The following PRIM2 variants were observed in gnomAD, a reference collection of about 807,000 sequenced individuals.
PRIM2 encodes the protein DNA primase subunit 2.
Under a neutral mutation model 67.3 loss-of-function variants are expected in PRIM2, and 39 were observed. The observed-to-expected ratio is 0.58, with a 90% CI of 0.45 to 0.76. The LOEUF (loss-of-function observed/expected upper bound fraction) is 0.76. PRIM2 is among the 30% of genes least tolerant of loss of function. The pLI is 0.00. For synonymous variants in PRIM2, 143 were observed against 198.7 expected (o/e 0.72, Z 2.36); for missense variants, 398 against 598.7 (o/e 0.66, Z 3.50).
At chr6:57,429,737 AG>A (rs1771757744) in intron 7 of PRIM2, among the ~76,000 whole-genome samples, 1 of 152,148 alleles carries the variant, frequency 6.6e-6, no homozygotes, top group Admixed American at 6.5e-5. Context: ...CAGAGACAGG[AG>A]GGCTGTGAGA....
chr6:57,530,530 G>A (rs1774864408), intron 8 of PRIM2, among the ~76,000 whole-genome samples: 1 of 152,120 alleles, frequency 6.6e-6, no homozygotes, highest in South Asian at 2.1e-4. Context: ...AGGGAGGGCG[G>A]AGAACTTTCC....
At chr6:57,623,308 C>T (rs1406244498) in intron 12 of PRIM2, among the ~76,000 whole-genome samples, 2 of 152,062 alleles carry the variant, frequency 1.3e-5, no homozygotes, top group Middle Eastern at 3.2e-3. Flanking sequence ...TTCTTATAGG[C>T]TGAAGATAAA....
At chr6:57,241,907 C>G in the PRIM2 span, among the ~76,000 whole-genome samples, 1 of 152,008 alleles carries the variant, frequency 6.6e-6, no homozygotes, top group Non-Finnish European at 1.5e-5. Flanking sequence ...CTCCTGACCT[C>G]GTGATCTGCC....
intron 7 of PRIM2, among the ~76,000 whole-genome samples, chr6:57,468,670 C>T (rs1261270746): frequency 2.0e-5 from 3 of 151,988 alleles, no homozygotes; most frequent in Non-Finnish European, 4.4e-5. Flanking sequence ...TTGGGGCCCC[C>T]GTTCTAAGTA....
intron 10 of PRIM2, among the ~76,000 whole-genome samples, chr6:57,582,347 G>T (rs1776103738): frequency 6.6e-6 from 1 of 152,116 alleles, no homozygotes; most frequent in African/African-American, 2.4e-5. Flanking sequence ...CTCTCCATTT[G>T]TATACTTCCT....
the PRIM2 span, among the ~76,000 whole-genome samples, chr6:57,250,516 G>C: frequency 7.9e-4 from 121 of 152,236 alleles, no homozygotes; most frequent in African/African-American, 2.8e-3. Context: ...AAATCGGGGG[G>C]TATGAAAAAC....
At chr6:57,364,730 T>G (rs1235821492) in intron 5 of PRIM2, among the ~76,000 whole-genome samples, 2 of 152,026 alleles carry the variant, frequency 1.3e-5, no homozygotes, top group Non-Finnish European at 2.9e-5. Flanking sequence ...ACCTTGCCCC[T>G]TGAGACTGAA....
chr6:57,543,182 G>A (rs1343165155), intron 10 of PRIM2, among the ~76,000 whole-genome samples: 7 of 151,052 alleles, frequency 4.6e-5, no homozygotes, highest in East Asian at 3.9e-4. Flanking sequence ...CTCGTGATCC[G>A]CCCGCCTCGG....
chr6:57,608,368 G>A (rs1306797095), intron 12 of PRIM2, among the ~76,000 whole-genome samples: 5 of 152,118 alleles, frequency 3.3e-5, no homozygotes, highest in African/African-American at 1.2e-4. Flanking sequence ...TCAGTAAAAT[G>A]GTGGAAACCA....
At chr6:57,590,385 TAGA>T (rs1358522134) in intron 10 of PRIM2, among the ~76,000 whole-genome samples, 1 of 152,122 alleles carries the variant, frequency 6.6e-6, no homozygotes, top group African/African-American at 2.4e-5. Flanking sequence ...AAAGCTGCAA[TAGA>T]AGAAGGGATT....
chr6:57,637,488 T>G (rs1162887157), intron 13 of PRIM2, among the ~76,000 whole-genome samples: 1 of 151,966 alleles, frequency 6.6e-6, no homozygotes, highest in Non-Finnish European at 1.5e-5. Flanking sequence ...TCTAACCCAA[T>G]GCAAGGAAGC....
chr6:57,341,276 G>C (rs1484005901), intron 5 of PRIM2, among the ~76,000 whole-genome samples: 1 of 152,162 alleles, frequency 6.6e-6, no homozygotes, highest in African/African-American at 2.4e-5. Context: ...TAGAACGTCG[G>C]TGGAGGTTAG....
rs1554347274 is a variant in PRIM2, at chr6:57,507,198, G to C, written c.694-189G>C. Among the ~76,000 whole-genome samples the C allele has an allele frequency of 5.4e-3, 826 of 152,192 alleles. 10 individuals carry two copies. The highest frequency in any genetic ancestry group is 0.019 in the African/African-American group (782 of 41,514). On this transcript the variant is annotated intron_variant, in intron 7 of 13. Transcript: ENST00000615550. Reference sequence around the variant, plus strand: ...ACATACCCTATGTCCTTAGAACCATGTAGCCAGCTTTGATCACGTAATGTG... The same window carrying C: ...ACATACCCTATGTCCTTAGAACCATCTAGCCAGCTTTGATCACGTAATGTG...
intron 7 of PRIM2, among the ~76,000 whole-genome samples, chr6:57,453,695 A>T (rs978665811): frequency 2.0e-5 from 3 of 152,154 alleles, no homozygotes; most frequent in Non-Finnish European, 2.9e-5. Flanking sequence ...GGCTGAGACA[A>T]TGGGGTTTTC....
At chr6:57,627,329 TA>T (rs1776967965) in intron 12 of PRIM2, among the ~76,000 whole-genome samples, 1 of 145,124 alleles carries the variant, frequency 6.9e-6, no homozygotes, top group African/African-American at 2.6e-5. Context: ...ATATAGAGTT[TA>T]AAAATACGAA....
chr6:57,622,655 A>G (rs1776880185), intron 12 of PRIM2, among the ~76,000 whole-genome samples: 1 of 152,190 alleles, frequency 6.6e-6, no homozygotes, highest in Non-Finnish European at 1.5e-5. Flanking sequence ...TTTTCACTCA[A>G]CTATTAATGA....
chr6:57,367,872 G>T (rs1045519740), intron 5 of PRIM2, among the ~76,000 whole-genome samples: 4 of 152,148 alleles, frequency 2.6e-5, no homozygotes, highest in African/African-American at 9.7e-5. Context: ...GGCATCACTC[G>T]TTCCTGTCAA....
chr6:57,424,999 A>G (rs1771575146), intron 7 of PRIM2, among the ~76,000 whole-genome samples: 2 of 152,200 alleles, frequency 1.3e-5, no homozygotes, highest in Non-Finnish European at 2.9e-5. Flanking sequence ...AAATGAATGA[A>G]TAAATGAATA....
the PRIM2 span, among the ~76,000 whole-genome samples, chr6:57,266,840 A>G: frequency 5.3e-5 from 8 of 152,176 alleles, no homozygotes; most frequent in Non-Finnish European, 5.9e-5. Flanking sequence ...TCATTTGTGG[A>G]GTGGGTATCT....
Sources: gnomAD v4.1 joint callset for allele counts (sites outside exome capture counted in the v4.1 genomes callset) on GRCh38, gnomAD v4.1.1 for gene constraint, MANE v1.5 for transcripts, NCBI Gene and HGNC (gene_info 2026-07-23, HGNC 2026-07-21) for gene names.